Variants in ASAP2 observed in about 807,000 individuals in gnomAD.
ASAP2 encodes the protein ArfGAP with SH3 domain, ankyrin repeat and PH domain 2.
In ASAP2, 45 loss-of-function variants were observed where a neutral mutation model predicts 131.4. That is an observed-to-expected ratio of 0.34 (90% CI 0.27 to 0.44). The LOEUF is 0.44. Among genes scored for constraint, ASAP2 ranks in the 20% least tolerant of loss-of-function variants. ASAP2 has a pLI of 1.00. For synonymous variants in ASAP2, 510 were observed against 503.0 expected, an observed-to-expected ratio of 1.01 and a Z score of -0.19; for missense variants, 1,011 against 1,297.0, an observed-to-expected ratio of 0.78 and a Z score of 3.39.
Position 9,248,995 on chromosome 2 carries a change from G to A in ASAP2, c.127-30322G>A, listed in dbSNP as rs566884179. On this transcript the variant is annotated intron_variant, in intron 1 of 27. Transcript: ENST00000281419. ...AACTTGCGTAAATTCCTCCCAACCCGAATACATAGGATGCTAGAATTTTAG... is the reference window on the plus strand; with the variant it reads ...AACTTGCGTAAATTCCTCCCAACCCAAATACATAGGATGCTAGAATTTTAG... Among the ~76,000 whole-genome samples the A allele has an allele frequency of 1.9e-3, 288 of 152,276 alleles. 2 individuals carry two copies. The highest frequency in any genetic ancestry group is 6.5e-3 in the African/African-American group (270 of 41,556).
intron 2 of ASAP2, among the ~76,000 whole-genome samples, chr2:9,285,809 T>C (rs1459852348): frequency 6.6e-6 from 1 of 152,224 alleles, no homozygotes; most frequent in African/African-American, 2.4e-5. Context: ...TCGAGAGTGA[T>C]ATTCCTACCC....
intron 25 of ASAP2, among the ~76,000 whole-genome samples, 175 bp from the exon 26 acceptor site, chr2:9,400,567 C>T (rs1049918684): frequency 2.6e-5 from 4 of 152,064 alleles, no homozygotes; most frequent in Admixed American, 6.5e-5. Context: ...GGGACACTCG[C>T]TGCCACACAA....
Position 9,217,551 on chromosome 2 carries a change from T to C in ASAP2, c.126+10321T>C, listed in dbSNP as rs1272323143. On this transcript the variant is annotated intron_variant, in intron 1 of 27. Coordinates refer to ENST00000281419, the MANE Select transcript of ASAP2 (RefSeq NM_003887.3). This position sits in a 1 kb window ranked among gnomAD's most constrained non-coding sequence, Gnocchi z 4.0. ...AGGATTCTAGCCAGGCAGTCAGGAT[T>C]GTCGGGACCTCTTTCCCCAGCTTCT... Among the ~76,000 whole-genome samples, 1 of 152,196 alleles carries C rather than the reference T, an allele frequency of 6.6e-6. No individual in the cohort carries two copies. The highest frequency in any genetic ancestry group is 2.4e-5 in the African/African-American group (1 of 41,452).
intron 15 of ASAP2, among the ~76,000 whole-genome samples, chr2:9,364,120 T>C (rs1369482107): frequency 6.6e-6 from 1 of 152,234 alleles, no homozygotes; most frequent in African/African-American, 2.4e-5. Flanking sequence ...TCACTGGTAC[T>C]AGGGTACTAC....
chr2:9,253,561 C>T (rs549284686), intron 1 of ASAP2, among the ~76,000 whole-genome samples: 15 of 152,308 alleles, frequency 9.8e-5, no homozygotes, highest in Non-Finnish European at 1.5e-4. Context: ...GCAGAACTCC[C>T]CTCTTCAGTT....
At chr2:9,270,873 A>G (rs979085968) in intron 1 of ASAP2, among the ~76,000 whole-genome samples, 6 of 142,786 alleles carry the variant, frequency 4.2e-5, no homozygotes, top group African/African-American at 1.3e-4. Context: ...GCTCACTGCA[A>G]GCCCCGCCTC....
In ASAP2 at chr2:9,350,794, T is replaced by C. The variant is rs1379058460; in HGVS notation, c.1024-14T>C. On this transcript the variant is annotated splice_polypyrimidine_tract_variant and intron_variant, in intron 11 of 27. Coordinates refer to ENST00000281419, the MANE Select transcript of ASAP2 (RefSeq NM_003887.3). The stretch of plus-strand genomic sequence containing the variant: ...CAACCCCAACCTTTTTTGTTGTTTT[T>C]TGCTTTTAAACAGGCTAACCGGCCT... 3.7e-6 allele frequency: 6 copies of C among 1,610,368 alleles called. 1 individual carries two copies. The highest frequency in any genetic ancestry group is 2.5e-6 in the Non-Finnish European group (3 of 1,177,718).
At chr2:9,335,284 C>T (rs1340248211) in intron 9 of ASAP2, 105 bp downstream of exon 9, 8 of 952,784 alleles carry the variant, frequency 8.4e-6, no homozygotes, top group South Asian at 5.6e-5. Context: ...ACAGTTCACT[C>T]GGGCTGTGTC....
chr2:9,295,418 CT>C (rs1017662659), intron 2 of ASAP2, among the ~76,000 whole-genome samples: 13 of 152,222 alleles, frequency 8.5e-5, no homozygotes, highest in African/African-American at 2.7e-4. Flanking sequence ...GCTGCTGTTA[CT>C]TTTGTTAGTG....
At chr2:9,271,462 T>G in intron 1 of ASAP2, 1 of 1,401,428 alleles carries the variant, frequency 7.1e-7, no homozygotes, top group Non-Finnish European at 1.0e-6. Flanking sequence ...TGGTTTCTTT[T>G]TGGTGTAATC....
intron 15 of ASAP2, among the ~76,000 whole-genome samples, chr2:9,361,029 C>A (rs969530574): frequency 6.6e-6 from 1 of 152,176 alleles, no homozygotes; most frequent in Non-Finnish European, 1.5e-5. Flanking sequence ...GTTGTTCTGT[C>A]TTGATGAAAC....
At chr2:9,385,445 C>T in intron 21 of ASAP2, 87 bp downstream of exon 21, 1 of 1,050,420 alleles carries the variant, frequency 9.5e-7, no homozygotes, top group Non-Finnish European at 1.5e-6. Context: ...AGGCAGAAAG[C>T]TGTTTTATAG....
At chr2:9,305,925 G>A (rs1487355809) in intron 3 of ASAP2, among the ~76,000 whole-genome samples, 1 of 150,732 alleles carries the variant, frequency 6.6e-6, no homozygotes, top group Non-Finnish European at 1.5e-5. Context: ...ATAGATATTG[G>A]TGGAGGGGCT....
chr2:9,300,597 G>A lies in ASAP2; in HGVS notation c.345+3152G>A, dbSNP rs10180856. Among the ~76,000 whole-genome samples, 849 of 152,316 alleles carry A rather than the reference G, an allele frequency of 5.6e-3. 9 individuals are homozygous for A. Among genetic ancestry groups the A allele is most frequent in the African/African-American group, 0.015 (620 of 41,560 alleles). The stretch of plus-strand genomic sequence containing the variant: ...GGCAGTGATTTGATGAGCACCCACC[G>A]GTGTAGCAATCACTGGGCTATGCAT... On this transcript the variant is annotated intron_variant, in intron 3 of 27. Transcript: ENST00000281419.
At chr2:9,302,675 A>T (rs576720368) in intron 3 of ASAP2, among the ~76,000 whole-genome samples, 1 of 150,156 alleles carries the variant, frequency 6.7e-6, no homozygotes. Flanking sequence ...GGGTTTCTCC[A>T]TGTTGGCCAG....
At chr2:9,246,753 A>G (rs1664362243) in intron 1 of ASAP2, among the ~76,000 whole-genome samples, 2 of 152,148 alleles carry the variant, frequency 1.3e-5, no homozygotes, top group Non-Finnish European at 2.9e-5. Flanking sequence ...GGTTTAATCC[A>G]TTGTGGCTCG....
intron 2 of ASAP2, among the ~76,000 whole-genome samples, chr2:9,288,967 G>T (rs1667630576): frequency 6.6e-6 from 1 of 152,136 alleles, no homozygotes; most frequent in South Asian, 2.1e-4. Context: ...AATGTCATCT[G>T]CTCCAAGAAG....
At chr2:9,335,202 G>C (rs1192708399) in intron 9 of ASAP2, 23 bp downstream of exon 9, 4 of 1,608,680 alleles carry the variant, frequency 2.5e-6, no homozygotes, top group Non-Finnish European at 3.4e-6. Context: ...AATTTTGAAA[G>C]ATTGCAGTTT....
chr2:9,371,852 C>G (rs560921715), intron 16 of ASAP2, among the ~76,000 whole-genome samples: 85 of 152,194 alleles, frequency 5.6e-4, no homozygotes, highest in African/African-American at 2.0e-3. Flanking sequence ...CGCGGTGGCT[C>G]ACGCCTGTAA....
Sources: allele counts gnomAD v4.1 joint callset (sites outside exome capture counted in the v4.1 genomes callset), GRCh38; gene constraint gnomAD v4.1.1; non-coding constraint Gnocchi (gnomAD v3.1); transcripts MANE v1.5; gene names NCBI Gene and HGNC (gene_info 2026-07-23, HGNC 2026-07-21).